Variants in TDRD12 observed in about 807,000 individuals in gnomAD.
TDRD12 encodes putative ATP-dependent RNA helicase TDRD12.
In TDRD12, 158 loss-of-function variants were observed where a neutral mutation model predicts 133.5. That is an observed-to-expected ratio of 1.18 (90% CI 1.04 to 1.35). TDRD12 has a LOEUF of 1.35. Ranked by LOEUF, TDRD12 falls within the 40% of genes most tolerant of loss-of-function variation. The pLI is 0.00. For missense variants in TDRD12, 1,443 were observed against 1,321.3 expected, an observed-to-expected ratio of 1.09 and a Z score of -1.43; for synonymous variants, 460 against 477.9, an observed-to-expected ratio of 0.96 and a Z score of 0.49.
intron 14 of TDRD12, among the ~76,000 whole-genome samples, chr19:32,795,819 G>A (rs897470969): frequency 6.6e-6 from 1 of 152,164 alleles, no homozygotes; most frequent in East Asian, 1.9e-4. Context: ...GTCTAAGGGG[G>A]AGCAAGTGTG....
intron 21 of TDRD12, among the ~76,000 whole-genome samples, chr19:32,804,147 A>G (rs953173775): frequency 6.6e-6 from 1 of 151,254 alleles, no homozygotes; most frequent in African/African-American, 2.4e-5. Context: ...ATCTCGGCTC[A>G]CTGCAAGCTC....
intron 25 of TDRD12, among the ~76,000 whole-genome samples, chr19:32,815,158 GATTT>G: frequency 9.2e-6 from 1 of 109,032 alleles, no homozygotes; most frequent in Non-Finnish European, 2.0e-5. Context: ...GTTTATCCCA[GATTT>G]GCAATTTGGT....
intron 22 of TDRD12, among the ~76,000 whole-genome samples, chr19:32,807,890 A>G (rs548749927): frequency 2.6e-5 from 4 of 152,202 alleles, no homozygotes; most frequent in South Asian, 2.1e-4. Flanking sequence ...TTTTTTTTCA[A>G]TTATATTTTC....
chr19:32,791,050 G>T, exon 13 of TDRD12: 1 of 1,536,190 alleles, frequency 6.5e-7, no homozygotes, highest in Non-Finnish European at 8.7e-7. Context: ...CGTCGCCGCT[G>T]TCAGCAGACC....
At chr19:32,800,126 C>A in intron 16 of TDRD12, 41 bp from the exon 17 acceptor site, 1 of 1,184,644 alleles carries the variant, frequency 8.4e-7, no homozygotes, top group Non-Finnish European at 1.2e-6. Flanking sequence ...AGTTCTTACT[C>A]TTTTGAAATA....
chr19:32,814,905 C>T (rs547394534), intron 25 of TDRD12, among the ~76,000 whole-genome samples: 1 of 152,320 alleles, frequency 6.6e-6, no homozygotes, highest in South Asian at 2.1e-4. Flanking sequence ...GACAGCCCCT[C>T]CTATACCCAC....
chr19:32,826,062 T>A (rs1967578620), downstream of TDRD12: 1 of 1,510,062 alleles, frequency 6.6e-7, no homozygotes, highest in African/African-American at 1.4e-5. Flanking sequence ...TACATATAAA[T>A]AACCTGTAGG....
At chr19:32,816,683 T>C (rs1228985445) in intron 26 of TDRD12, among the ~76,000 whole-genome samples, 1 of 152,154 alleles carries the variant, frequency 6.6e-6, no homozygotes, top group East Asian at 1.9e-4. Flanking sequence ...TACTACCCAA[T>C]AGTGTTCCAA....
intron 6 of TDRD12, among the ~76,000 whole-genome samples, chr19:32,751,196 A>G (rs1969816948): frequency 6.7e-6 from 1 of 149,462 alleles, no homozygotes; most frequent in Non-Finnish European, 1.5e-5. Flanking sequence ...AAGCGAGAAC[A>G]TGCAGTGTTT....
chr19:32,815,092 G>C (rs1449888424), intron 25 of TDRD12, among the ~76,000 whole-genome samples: 1 of 152,212 alleles, frequency 6.6e-6, no homozygotes, highest in Non-Finnish European at 1.5e-5. Flanking sequence ...GCCTCAGGAG[G>C]TAAAAGTAGT....
intron 11 of TDRD12, among the ~76,000 whole-genome samples, chr19:32,787,249 G>C (rs1196611412): frequency 1.3e-5 from 2 of 152,046 alleles, no homozygotes; most frequent in African/African-American, 4.8e-5. Flanking sequence ...CTGGGCAGAG[G>C]CTGCAGAACA....
intron 25 of TDRD12, among the ~76,000 whole-genome samples, chr19:32,814,386 A>G (rs1463258108): frequency 6.7e-6 from 1 of 149,832 alleles, no homozygotes; most frequent in Non-Finnish European, 1.5e-5. Flanking sequence ...ATGAATACTT[A>G]CCAGATTTAA....
chr19:32,767,010 A>G (rs1276986662), intron 8 of TDRD12, among the ~76,000 whole-genome samples: 3 of 152,072 alleles, frequency 2.0e-5, no homozygotes, highest in Non-Finnish European at 4.4e-5. Flanking sequence ...AGTATTACGC[A>G]CTTCATGGAT....
chr19:32,719,807 C>G (rs1968561393), exon 1 of TDRD12: 3 of 562,850 alleles, frequency 5.3e-6, no homozygotes, highest in South Asian at 2.0e-5. Flanking sequence ...GCGGGAGGCC[C>G]GAGGCCAGGC....
At chr19:32,820,954 C>A in intron 27 of TDRD12, 79 bp from the exon 28 acceptor site, 3 of 1,186,042 alleles carry the variant, frequency 2.5e-6, no homozygotes, top group Non-Finnish European at 3.6e-6. Context: ...ACTTCACGGT[C>A]ATTTATTGCC....
chr19:32,747,299 A>G (rs145925866), intron 4 of TDRD12, among the ~76,000 whole-genome samples: 231 of 152,314 alleles, frequency 1.5e-3, no homozygotes, highest in African/African-American at 5.2e-3. Context: ...TGTGTGTAAC[A>G]AGGTTTTAGA....
At chr19:32,803,244 C>A in intron 21 of TDRD12, 102 bp downstream of exon 21, 1 of 894,100 alleles carries the variant, frequency 1.1e-6, no homozygotes, top group Non-Finnish European at 1.6e-6. Context: ...AAGCCACCAC[C>A]CACTCTGAGG....
chr19:32,752,853 C>T (rs967344251), intron 6 of TDRD12, among the ~76,000 whole-genome samples: 2 of 142,510 alleles, frequency 1.4e-5, no homozygotes, highest in East Asian at 2.1e-4. Context: ...AGTGCACTGG[C>T]GCGATCTCGG....
downstream of TDRD12, chr19:32,824,504 T>C (rs1967519451): frequency 6.6e-6 from 1 of 152,580 alleles, no homozygotes; most frequent in Non-Finnish European, 1.5e-5. Context: ...GTAGCTGTGC[T>C]CTGTGCAAGC....
Sources: allele counts gnomAD v4.1 joint callset (sites outside exome capture counted in the v4.1 genomes callset), GRCh38; gene constraint gnomAD v4.1.1; transcripts MANE v1.5; gene names NCBI Gene and HGNC (gene_info 2026-07-23, HGNC 2026-07-21).